SCN2A: variants seen among roughly 807,000 people sequenced by gnomAD.
SCN2A encodes the protein sodium channel protein type 2 subunit alpha.
In SCN2A, 20 loss-of-function variants were observed where a neutral mutation model predicts 188.7. The ratio of observed to expected loss-of-function variants is 0.11; its 90% confidence interval spans 0.07 to 0.15. The LOEUF is 0.15. Among genes scored for constraint, SCN2A ranks in the 10% least tolerant of loss-of-function variants. The pLI is 1.00. For synonymous variants in SCN2A, 804 were observed against 833.1 expected (o/e 0.97, Z 0.60); for missense variants, 1,278 against 2,445.0 (o/e 0.52, Z 10.07).
At chr2:165,251,209 G>GACA (rs775856354) in intron 1 of SCN2A, among the ~76,000 whole-genome samples, 1 of 152,018 alleles carries the variant, frequency 6.6e-6, no homozygotes, top group East Asian at 1.9e-4. Context: ...CAACCAACCA[G>GACA]ACAACAACAA....
rs1325277297 is a variant in SCN2A at position 165,295,754 on chromosome 2, T to TC, written c.-51-16dup. 34 of 1,611,068 alleles carry TC rather than the reference T, an allele frequency of 2.1e-5. No homozygotes were observed. The highest frequency in any genetic ancestry group is 6.7e-5 in the Admixed American group (4 of 59,710). On this transcript the variant is annotated intron_variant, in intron 1 of 26. Transcript: ENST00000375437. ...TTATTCTAATGGTCATTGCTTTTTTTCCCTCCCTGTTTCTGTAGCACTTTC... is the reference window on the plus strand; with the variant it reads ...TTATTCTAATGGTCATTGCTTTTTTTCCCCTCCCTGTTTCTGTAGCACTTTC...
intron 3 of SCN2A, among the ~76,000 whole-genome samples, chr2:165,307,190 A>G (rs749605283): frequency 6.6e-6 from 1 of 152,156 alleles, no homozygotes; most frequent in Non-Finnish European, 1.5e-5. Context: ...GGAGACTTAC[A>G]TATTTTAACA....
At chr2:165,362,310 G>C (rs1700500652) in intron 17 of SCN2A, among the ~76,000 whole-genome samples, 2 of 151,882 alleles carry the variant, frequency 1.3e-5, no homozygotes, top group Non-Finnish European at 2.9e-5. Context: ...AAATGAAAGG[G>C]AGCAATGTTA....
At chr2:165,324,251 A>C (rs1193965673) in intron 12 of SCN2A, among the ~76,000 whole-genome samples, 1 of 152,228 alleles carries the variant, frequency 6.6e-6, no homozygotes, top group Non-Finnish European at 1.5e-5. Context: ...GGTATTAAAT[A>C]AAATTCCATT....
At chr2:165,327,023 T>C (rs1698392975) in intron 13 of SCN2A, 39 bp downstream of exon 13, 1 of 1,612,316 alleles carries the variant, frequency 6.2e-7, no homozygotes, top group Non-Finnish European at 8.5e-7. Flanking sequence ...CTTGGTGCTT[T>C]GGTAATGATG....
rs1475806884 is a variant in SCN2A, at chr2:165,391,788, G to C, written c.*1964G>C. 6.6e-6 allele frequency: 1 copy of C among 152,420 alleles called. No individual in the cohort carries two copies. The highest frequency in any genetic ancestry group is 6.6e-5 in the Admixed American group (1 of 15,248). The allele number at this position is 152,420 out of a possible 1,614,324, so 9.4% of individuals were successfully genotyped here. ...ACAGATAGATCTTATTGACCCATATGGCACTAGAACTGTATCAGATATAAT... is the reference window on the plus strand; with the variant it reads ...ACAGATAGATCTTATTGACCCATATCGCACTAGAACTGTATCAGATATAAT... On this transcript the variant is annotated 3_prime_UTR_variant, in exon 27 of 27. Coordinates refer to ENST00000375437, the MANE Select transcript of SCN2A (RefSeq NM_001040142.2).
At chr2:165,360,465 T>C (rs1700405150) in intron 17 of SCN2A, among the ~76,000 whole-genome samples, 1 of 151,980 alleles carries the variant, frequency 6.6e-6, no homozygotes, top group Admixed American at 6.6e-5. Flanking sequence ...GCTTAAATCA[T>C]TTGATTATAA....
intron 2 of SCN2A, 92 bp downstream of exon 2, chr2:165,296,182 C>CA: frequency 8.2e-7 from 1 of 1,223,528 alleles, no homozygotes; most frequent in Non-Finnish European, 1.2e-6. Flanking sequence ...TGGCCTCCTT[C>CA]CCTCTGTCTA....
At position 165,323,616 on chromosome 2, in the gene SCN2A, G is replaced by C. The variant is rs1698182973; in HGVS notation, c.2016+116G>C. 3.1e-6 allele frequency: 3 copies of C among 978,782 alleles called. No homozygotes were observed. In the Admixed American group the frequency reaches 6.1e-5, roughly 20 times the overall value. The allele number at this position is 978,782 out of a possible 1,614,324, so 60.6% of individuals were successfully genotyped here. A position where few individuals can be genotyped will look rare whatever the true frequency, so the allele number is the denominator to read the frequency against. On this transcript the variant is annotated intron_variant, in intron 12 of 26. Transcript: ENST00000375437. ...TGAGTTTGTTGCCCAAAGGCTGGGA[G>C]TTTGTTCAATCAAGCTGTTAACTGT...
chr2:165,291,494 T>C (rs13021043), intron 1 of SCN2A, among the ~76,000 whole-genome samples: 6,437 of 35,758 alleles, frequency 0.18, 467 homozygotes, highest in African/African-American at 0.2. Context: ...TTCTTTCTTT[T>C]CTTTCTTTCT....
At chr2:165,359,372 C>CT (rs1244346921) in intron 17 of SCN2A, among the ~76,000 whole-genome samples, 1 of 152,040 alleles carries the variant, frequency 6.6e-6, no homozygotes, top group Non-Finnish European at 1.5e-5. Context: ...TCCTTATTCT[C>CT]TGAGTATCCC....
At chr2:165,279,111 T>C (rs1695475017) in intron 1 of SCN2A, among the ~76,000 whole-genome samples, 2 of 152,148 alleles carry the variant, frequency 1.3e-5, no homozygotes, top group Non-Finnish European at 2.9e-5. Context: ...GGTCACTGAG[T>C]TGCTAAATGG....
At chr2:165,258,870 G>A (rs79722966) in intron 1 of SCN2A, among the ~76,000 whole-genome samples, 173 of 152,296 alleles carry the variant, frequency 1.1e-3, no homozygotes, top group Middle Eastern at 6.8e-3. Context: ...ACTTACAAGT[G>A]GGAGCTAAAC....
intron 13 of SCN2A, 105 bp downstream of exon 13, chr2:165,327,089 A>G (rs1698398073): frequency 7.3e-7 from 1 of 1,363,674 alleles, no homozygotes; most frequent in Admixed American, 1.7e-5. Context: ...TTGTATCATT[A>G]TTACACATTT....
chr2:165,357,857 G>C (rs1700255859), intron 17 of SCN2A, among the ~76,000 whole-genome samples: 1 of 152,072 alleles, frequency 6.6e-6, no homozygotes, highest in East Asian at 1.9e-4. Context: ...CTTTTACCCA[G>C]GTTACCCAAG....
intron 12 of SCN2A, 25 bp from the exon 13 acceptor site, chr2:165,326,827 A>G (rs776503021): frequency 6.2e-7 from 1 of 1,613,566 alleles, no homozygotes; most frequent in Admixed American, 1.7e-5. Context: ...AATAGTGGTT[A>G]TTTCATCTGA....
chr2:165,327,433 A>G (rs1698418286), intron 13 of SCN2A: 1 of 190,854 alleles, frequency 5.2e-6, no homozygotes, highest in Non-Finnish European at 1.1e-5. Context: ...AAGTGTTTAA[A>G]ATTTTGTAGT....
At chr2:165,385,285 A>G (rs1701812426) in intron 25 of SCN2A, among the ~76,000 whole-genome samples, 1 of 152,162 alleles carries the variant, frequency 6.6e-6, no homozygotes, top group African/African-American at 2.4e-5. Flanking sequence ...TTGAGAAGGT[A>G]GAGAAAGGCA....
intron 18 of SCN2A, among the ~76,000 whole-genome samples, chr2:165,366,834 C>T (rs1314141113): frequency 1.3e-5 from 2 of 151,556 alleles, no homozygotes; most frequent in African/African-American, 4.9e-5. Flanking sequence ...AATAGTTATA[C>T]CATTAAGTGA....
Sources: allele counts gnomAD v4.1 joint callset (sites outside exome capture counted in the v4.1 genomes callset), GRCh38; gene constraint gnomAD v4.1.1; transcripts MANE v1.5; gene names NCBI Gene and HGNC (gene_info 2026-07-23, HGNC 2026-07-21).